GRIP1: variants seen among roughly 807,000 people sequenced by gnomAD.
The protein encoded by GRIP1 is glutamate receptor interacting protein 1.
Under a neutral mutation model 129.9 loss-of-function variants are expected in GRIP1, and 45 were observed. That is an observed-to-expected ratio of 0.35 (90% CI 0.27 to 0.44). GRIP1 has a LOEUF of 0.44. Ranked by LOEUF, GRIP1 falls within the 20% of genes least tolerant of loss-of-function variation. The pLI is 1.00. For synonymous variants in GRIP1, 530 were observed against 520.8 expected, an observed-to-expected ratio of 1.02 and a Z score of -0.24; for missense variants, 1,196 against 1,396.8, an observed-to-expected ratio of 0.86 and a Z score of 2.29.
chr12:66,565,335 A>T (rs886196775), intron 2 of GRIP1, among the ~76,000 whole-genome samples: 11 of 152,078 alleles, frequency 7.2e-5, no homozygotes, highest in African/African-American at 1.9e-4. Flanking sequence ...TTCAGCTTTC[A>T]ATATATGGCT....
intron 7 of GRIP1, among the ~76,000 whole-genome samples, chr12:66,478,606 T>G (rs1268592482): frequency 6.6e-6 from 1 of 152,128 alleles, no homozygotes; most frequent in Non-Finnish European, 1.5e-5. Flanking sequence ...GTACTCACAA[T>G]AGCAAAGACT....
chr12:66,655,262 T>C (rs1218935289), intron 1 of GRIP1, among the ~76,000 whole-genome samples: 2 of 152,256 alleles, frequency 1.3e-5, no homozygotes, highest in East Asian at 1.9e-4. Flanking sequence ...ACTATTACTT[T>C]GTGTGCTTTA....
intron 1 of GRIP1, among the ~76,000 whole-genome samples, chr12:66,616,806 G>A (rs1297399760): frequency 3.9e-5 from 6 of 152,110 alleles, no homozygotes; most frequent in Admixed American, 3.9e-4. Flanking sequence ...CTGTTCCTCA[G>A]GGAAAACCAA....
chr12:66,368,978 A>G (rs1202958539), intron 23 of GRIP1, among the ~76,000 whole-genome samples: 2 of 152,192 alleles, frequency 1.3e-5, no homozygotes, highest in Non-Finnish European at 2.9e-5. Flanking sequence ...AATCACTCCA[A>G]TAATTCCATA....
At chr12:66,859,070 T>C (rs1272858316) in intron 1 of GRIP1, among the ~76,000 whole-genome samples, 1 of 151,900 alleles carries the variant, frequency 6.6e-6, no homozygotes, top group Non-Finnish European at 1.5e-5. Context: ...TAACAATTTC[T>C]ACCATACCCT....
At chr12:66,685,964 G>T (rs774777870) in intron 1 of GRIP1, among the ~76,000 whole-genome samples, 1 of 151,956 alleles carries the variant, frequency 6.6e-6, no homozygotes, top group Admixed American at 6.6e-5. Context: ...AACTTTTGTC[G>T]AATAAATAAA....
intron 1 of GRIP1, among the ~76,000 whole-genome samples, chr12:66,657,341 C>T (rs1225472576): frequency 6.6e-6 from 1 of 152,134 alleles, no homozygotes; most frequent in East Asian, 1.9e-4. Flanking sequence ...GAGGTTGAAC[C>T]ACTTCTGACT....
intron 1 of GRIP1, among the ~76,000 whole-genome samples, chr12:66,987,941 T>C (rs565162513): frequency 6.6e-6 from 1 of 152,280 alleles, no homozygotes; most frequent in South Asian, 2.1e-4. Flanking sequence ...GTGCCCTCAG[T>C]AAATGTAGCC....
Position 66,377,003 on chromosome 12 carries a change from T to C in GRIP1, c.2778+14A>G. 1 of 1,595,430 alleles carries C rather than the reference T, an allele frequency of 6.3e-7. No individual in the cohort carries two copies. On this transcript the variant is annotated intron_variant, in intron 22 of 24. Transcript: ENST00000359742. ...AGCTTCACAAGCAAAAATATAAACA[T>C]AAAGGGTAGCTACCAAGAGAGTCAT...
intron 2 of GRIP1, among the ~76,000 whole-genome samples, chr12:66,572,806 A>G (rs1220240375): frequency 6.6e-6 from 1 of 152,168 alleles, no homozygotes; most frequent in Non-Finnish European, 1.5e-5. Context: ...TCCATGGATA[A>G]TAACTCACAT....
At chr12:66,658,589 A>G (rs1253404650) in intron 1 of GRIP1, among the ~76,000 whole-genome samples, 1 of 137,448 alleles carries the variant, frequency 7.3e-6, no homozygotes, top group Non-Finnish European at 1.6e-5. Context: ...TCAAAAAAAA[A>G]AAAGAAAAAA....
At chr12:66,754,679 T>C (rs1194562159) in intron 1 of GRIP1, among the ~76,000 whole-genome samples, 1 of 152,168 alleles carries the variant, frequency 6.6e-6, no homozygotes, top group Non-Finnish European at 1.5e-5. Flanking sequence ...ATTCCAGAAG[T>C]AAGACTAACA....
At chr12:66,429,387 G>T (rs1196072934) in intron 14 of GRIP1, among the ~76,000 whole-genome samples, 2 of 152,162 alleles carry the variant, frequency 1.3e-5, no homozygotes, top group Non-Finnish European at 2.9e-5. Flanking sequence ...ACTAGATTTT[G>T]TGGGCTGGAG....
intron 16 of GRIP1, among the ~76,000 whole-genome samples, chr12:66,401,598 G>GTGTATATATATACATA (rs71096098): frequency 1.5e-5 from 1 of 66,262 alleles, no homozygotes; most frequent in Non-Finnish European, 2.8e-5. Flanking sequence ...AAATATGTGT[G>GTGTATATATATACATA]TATATATATA....
At chr12:67,040,118 A>G (rs547630053) in intron 1 of GRIP1, among the ~76,000 whole-genome samples, 7 of 152,188 alleles carry the variant, frequency 4.6e-5, no homozygotes, top group Admixed American at 2.0e-4. Flanking sequence ...TAAGACCACA[A>G]AGGCCTCTAT....
intron 1 of GRIP1, among the ~76,000 whole-genome samples, chr12:66,870,555 A>C (rs763966041): frequency 1.3e-5 from 2 of 152,134 alleles, no homozygotes; most frequent in South Asian, 2.1e-4. Context: ...TGTATTCTTT[A>C]GTTCTAGTTT....
intron 1 of GRIP1, among the ~76,000 whole-genome samples, chr12:66,654,128 G>C (rs1232966243): frequency 6.6e-6 from 1 of 152,084 alleles, no homozygotes; most frequent in Non-Finnish European, 1.5e-5. Context: ...ATAGGTGATA[G>C]ATTGAAACTT....
chr12:66,971,133 A>G (rs1269321431), intron 1 of GRIP1, among the ~76,000 whole-genome samples: 1 of 152,188 alleles, frequency 6.6e-6, no homozygotes, highest in East Asian at 1.9e-4. Flanking sequence ...TTACTATTTA[A>G]ATGGCCCTTC....
intron 1 of GRIP1, among the ~76,000 whole-genome samples, chr12:66,767,225 G>A (rs776390945): frequency 5.9e-5 from 9 of 151,884 alleles, no homozygotes; most frequent in Admixed American, 2.6e-4. Flanking sequence ...TTTTTGCCAC[G>A]AAGAAGCACC....
Sources: allele counts gnomAD v4.1 joint callset (sites outside exome capture counted in the v4.1 genomes callset), GRCh38; gene constraint gnomAD v4.1.1; transcripts MANE v1.5; gene names NCBI Gene and HGNC (gene_info 2026-07-23, HGNC 2026-07-21).